Variants in CDH12 observed in about 807,000 individuals in gnomAD.
CDH12 encodes the protein cadherin-12.
CDH12 carries 41 observed loss-of-function variants against 74.1 expected under a neutral mutation model. The ratio of observed to expected loss-of-function variants is 0.55; its 90% confidence interval spans 0.43 to 0.72. CDH12 has a LOEUF of 0.72. CDH12 is among the 30% of genes least tolerant of loss of function. The pLI is 0.00. For missense variants in CDH12, 945 were observed against 977.2 expected (o/e 0.97, Z 0.44); for synonymous variants, 399 against 355.0 (o/e 1.12, Z -1.39).
intron 1 of CDH12, among the ~76,000 whole-genome samples, chr5:22,811,667 C>T (rs1749155232): frequency 6.6e-6 from 1 of 152,078 alleles, no homozygotes; most frequent in South Asian, 2.1e-4. Flanking sequence ...AACTATTTTA[C>T]TAAGGCATGG....
chr5:22,093,090 A>G (rs1219562359), intron 4 of CDH12, among the ~76,000 whole-genome samples: 1 of 152,122 alleles, frequency 6.6e-6, no homozygotes, highest in Admixed American at 6.6e-5. Flanking sequence ...TGGTTTACAC[A>G]AATGATGTTA....
intron 1 of CDH12, among the ~76,000 whole-genome samples, chr5:22,814,668 T>A (rs1244015913): frequency 6.6e-6 from 1 of 152,214 alleles, no homozygotes; most frequent in South Asian, 2.1e-4. Context: ...AGTATAATTA[T>A]GTTCAGCCAT....
At chr5:22,440,251 A>G (rs958726764) in intron 2 of CDH12, among the ~76,000 whole-genome samples, 1 of 152,166 alleles carries the variant, frequency 6.6e-6, no homozygotes, top group Non-Finnish European at 1.5e-5. Context: ...AAAAAGCTCC[A>G]TATAGAAAGT....
At chr5:22,495,746 A>C (rs1747081507) in intron 2 of CDH12, among the ~76,000 whole-genome samples, 2 of 137,846 alleles carry the variant, frequency 1.5e-5, no homozygotes, top group South Asian at 4.8e-4. Flanking sequence ...ACAACCACTA[A>C]GAATGCAGTG....
At chr5:22,044,967 C>A (rs1158909189) in intron 5 of CDH12, among the ~76,000 whole-genome samples, 2 of 151,938 alleles carry the variant, frequency 1.3e-5, no homozygotes, top group Non-Finnish European at 2.9e-5. Flanking sequence ...TTCTATACAG[C>A]AAATGAAACA....
At chr5:22,283,209 TATATATAG>T (rs1219796924) in intron 3 of CDH12, among the ~76,000 whole-genome samples, 17,120 of 84,532 alleles carry the variant, frequency 0.2, 1,236 homozygotes, top group East Asian at 0.37. Context: ...CTGTGAGATA[TATATATAG>T]ATATATATAT....
chr5:22,045,175 A>T (rs184836760), intron 5 of CDH12, among the ~76,000 whole-genome samples: 14 of 152,326 alleles, frequency 9.2e-5, no homozygotes, highest in Non-Finnish European at 2.1e-4. Flanking sequence ...TAAATGGCCA[A>T]CTGTATGTGA....
At chr5:22,785,907 A>G (rs1036510576) in intron 1 of CDH12, among the ~76,000 whole-genome samples, 14 of 152,306 alleles carry the variant, frequency 9.2e-5, no homozygotes, top group South Asian at 4.1e-4. Flanking sequence ...AAGACGTGGC[A>G]ATTCTTCAAA....
chr5:21,833,315 T>A (rs185586550), intron 8 of CDH12, among the ~76,000 whole-genome samples: 688 of 5,834 alleles, frequency 0.12, 61 homozygotes, highest in African/African-American at 0.35. Flanking sequence ...ATGTTATATG[T>A]TATATAATAT....
In CDH12 at chr5:22,199,154, C is replaced by T. The variant is rs541494576; in HGVS notation, c.-187+13344G>A. Among the ~76,000 whole-genome samples, 31 of 152,240 alleles carry T rather than the reference C, an allele frequency of 2.0e-4. No individual in the cohort carries two copies. The East Asian group carries it at 2.5e-3, about 12-fold the overall frequency. On this transcript the variant is annotated intron_variant, in intron 4 of 14. Transcript: ENST00000382254. ...AGATTCCTCCAAATATGGAACAAAC[C>T]ACTTGGGGAAGCAACACATTTTAAC...
chr5:22,272,829 C>A (rs1005114091), intron 3 of CDH12, among the ~76,000 whole-genome samples: 1 of 152,218 alleles, frequency 6.6e-6, no homozygotes, highest in East Asian at 1.9e-4. Context: ...AAGAAATACT[C>A]AAGACTGGGT....
intron 6 of CDH12, among the ~76,000 whole-genome samples, chr5:21,955,116 T>C (rs971501441): frequency 6.6e-6 from 1 of 152,074 alleles, no homozygotes; most frequent in African/African-American, 2.4e-5. Context: ...GTTTGATTTT[T>C]TTTACATATT....
intron 1 of CDH12, among the ~76,000 whole-genome samples, chr5:22,602,763 T>C (rs968342429): frequency 6.6e-6 from 1 of 152,290 alleles, no homozygotes; most frequent in African/African-American, 2.4e-5. Flanking sequence ...TGATACACTA[T>C]ATTATATTTG....
chr5:21,985,921 C>T (rs1757498102), intron 5 of CDH12, among the ~76,000 whole-genome samples: 2 of 152,060 alleles, frequency 1.3e-5, no homozygotes, highest in African/African-American at 2.4e-5. Flanking sequence ...TCAAAGCCAC[C>T]GAATGCCCAA....
intron 3 of CDH12, among the ~76,000 whole-genome samples, chr5:22,227,956 T>TGGAA (rs1752251984): frequency 6.6e-6 from 1 of 152,058 alleles, no homozygotes; most frequent in Non-Finnish European, 1.5e-5. Flanking sequence ...ACCTGTCACT[T>TGGAA]TTTCCATAGG....
At chr5:22,245,215 C>T (rs543139138) in intron 3 of CDH12, among the ~76,000 whole-genome samples, 2 of 152,054 alleles carry the variant, frequency 1.3e-5, no homozygotes, top group Admixed American at 6.5e-5. Flanking sequence ...GGTTTAAAAT[C>T]GGGCTACTGA....
chr5:22,771,548 G>GA (rs1175361705), intron 1 of CDH12, among the ~76,000 whole-genome samples: 2 of 151,478 alleles, frequency 1.3e-5, no homozygotes, highest in African/African-American at 2.4e-5. Flanking sequence ...TCCTATAACT[G>GA]AAAAAAATAT....
intron 1 of CDH12, among the ~76,000 whole-genome samples, chr5:22,730,979 G>A (rs1424421823): frequency 6.6e-6 from 1 of 151,742 alleles, no homozygotes; most frequent in African/African-American, 2.4e-5. Flanking sequence ...TTAGAAAGAT[G>A]TTGTTGCTAA....
At chr5:21,916,566 A>G (rs765150258) in intron 6 of CDH12, among the ~76,000 whole-genome samples, 25 of 151,546 alleles carry the variant, frequency 1.6e-4, no homozygotes, top group Non-Finnish European at 2.5e-4. Flanking sequence ...GGAAAGGAGG[A>G]AGAACACGAT....
Sources: allele counts gnomAD v4.1 joint callset (sites outside exome capture counted in the v4.1 genomes callset), GRCh38; gene constraint gnomAD v4.1.1; transcripts MANE v1.5; gene names NCBI Gene and HGNC (gene_info 2026-07-23, HGNC 2026-07-21).